The following BBX variants were observed in gnomAD, a reference collection of about 807,000 sequenced individuals.
BBX encodes BBX high mobility group box domain containing, also known as HMG box transcription factor BBX.
In BBX, 30 loss-of-function variants were observed where a neutral mutation model predicts 100.2. The ratio of observed to expected loss-of-function variants is 0.30; its 90% CI spans 0.22 to 0.41. BBX has a LOEUF of 0.41. Among genes scored for constraint, BBX ranks in the 10% least tolerant of loss-of-function variants. BBX has a pLI of 1.00. For synonymous variants in BBX, 376 were observed against 388.1 expected (o/e 0.97, Z 0.37); for missense variants, 1,023 against 1,129.8 (o/e 0.91, Z 1.35).
At chr3:107,677,459 G>C (rs1156603715) in intron 3 of BBX, 4 of 152,036 alleles carry the variant, frequency 2.6e-5, no homozygotes, top group Non-Finnish European at 4.4e-5. Flanking sequence ...GCTACATCCT[G>C]ATACACTCAC....
chr3:107,769,100 C>T (rs764771445), intron 10 of BBX, among the ~76,000 whole-genome samples: 1 of 150,920 alleles, frequency 6.6e-6, no homozygotes, highest in Non-Finnish European at 1.5e-5. Context: ...CCCTGGAGGT[C>T]GAGGCTGCCA....
intron 10 of BBX, among the ~76,000 whole-genome samples, chr3:107,766,679 C>T (rs2066419955): frequency 6.6e-6 from 1 of 151,946 alleles, no homozygotes; most frequent in Non-Finnish European, 1.5e-5. Context: ...CCAGAAATAC[C>T]ATTTGACCCA....
At chr3:107,649,967 C>T (rs1472291626) in intron 3 of BBX, among the ~76,000 whole-genome samples, 1 of 152,112 alleles carries the variant, frequency 6.6e-6, no homozygotes, top group Admixed American at 6.6e-5. Context: ...CAAAAAGTAT[C>T]AAATTTTATA....
At chr3:107,526,279 G>A in intron 1 of BBX, 48 bp from the exon 2 acceptor site, 1 of 398,586 alleles carries the variant, frequency 2.5e-6, no homozygotes. Context: ...CTGTACTATT[G>A]TAAAGCCCTA....
intron 3 of BBX, among the ~76,000 whole-genome samples, chr3:107,690,914 T>TTTTC (rs2060129682): frequency 7.2e-6 from 1 of 137,962 alleles, no homozygotes; most frequent in African/African-American, 2.7e-5. Context: ...TTTTTTTTTT[T>TTTTC]TTTGAGAAAG....
intron 2 of BBX, among the ~76,000 whole-genome samples, chr3:107,548,692 T>C (rs573636770): frequency 6.6e-4 from 100 of 152,334 alleles, no homozygotes; most frequent in African/African-American, 2.4e-3. Flanking sequence ...TGGGCTGTTA[T>C]GTTCATTCCA....
chr3:107,757,877 C>A (rs2065608969), intron 10 of BBX, among the ~76,000 whole-genome samples: 1 of 152,134 alleles, frequency 6.6e-6, no homozygotes, highest in African/African-American at 2.4e-5. Flanking sequence ...GAAGACACAA[C>A]CTTAAATTCA....
At chr3:107,666,027 T>C (rs191313) in intron 3 of BBX, among the ~76,000 whole-genome samples, 151,752 of 152,310 alleles carry the variant, frequency 1, 75,601 homozygotes, top group Middle Eastern at 1. Flanking sequence ...TGCAGGGAAT[T>C]GCTAAACCAC....
chr3:107,603,141 T>C (rs2054179720), intron 2 of BBX, among the ~76,000 whole-genome samples: 1 of 151,876 alleles, frequency 6.6e-6, no homozygotes, highest in African/African-American at 2.4e-5. Flanking sequence ...TTTTTTTTTG[T>C]TTTTAGTAGA....
At chr3:107,705,582 C>T (rs2061344972) in intron 3 of BBX, among the ~76,000 whole-genome samples, 2 of 152,178 alleles carry the variant, frequency 1.3e-5, no homozygotes, top group African/African-American at 4.8e-5. Context: ...ATCTGGGCAG[C>T]ATATGGATCA....
intron 2 of BBX, among the ~76,000 whole-genome samples, chr3:107,551,420 A>G (rs778488964): frequency 3.9e-5 from 6 of 152,234 alleles, no homozygotes; most frequent in Non-Finnish European, 8.8e-5. Context: ...AACATTTACA[A>G]TAGTGATGCT....
At chr3:107,668,440 G>A (rs191807268) in intron 3 of BBX, among the ~76,000 whole-genome samples, 2 of 152,270 alleles carry the variant, frequency 1.3e-5, no homozygotes, top group Admixed American at 6.5e-5. Context: ...ACGTATAGAT[G>A]TGTGTTTCTT....
At chr3:107,748,385 A>G (rs1029089760) in intron 9 of BBX, among the ~76,000 whole-genome samples, 13 of 152,230 alleles carry the variant, frequency 8.5e-5, no homozygotes, top group African/African-American at 2.7e-4. Flanking sequence ...AATTTTTCCA[A>G]TAGTGAAATT....
At chr3:107,542,529 G>A (rs1248777724) in intron 2 of BBX, among the ~76,000 whole-genome samples, 1 of 152,188 alleles carries the variant, frequency 6.6e-6, no homozygotes, top group Admixed American at 6.5e-5. Flanking sequence ...ATGTAAAGTG[G>A]AATATGAAAA....
intron 2 of BBX, among the ~76,000 whole-genome samples, chr3:107,632,926 T>C (rs1399458845): frequency 3.3e-5 from 5 of 152,308 alleles, no homozygotes; most frequent in East Asian, 3.9e-4. Flanking sequence ...GTCTGTTCTT[T>C]CGGGATGTTC....
At chr3:107,770,354 G>A (rs1011483791) in intron 10 of BBX, among the ~76,000 whole-genome samples, 4 of 152,158 alleles carry the variant, frequency 2.6e-5, no homozygotes, top group African/African-American at 9.6e-5. Context: ...GACAGTGGCT[G>A]AAAAATCATA....
chr3:107,737,448 C>T (rs2063714285), intron 7 of BBX, among the ~76,000 whole-genome samples: 2 of 151,950 alleles, frequency 1.3e-5, no homozygotes, highest in Admixed American at 6.6e-5. Flanking sequence ...ATAGGAAGTC[C>T]AAAGTCAGCA....
chr3:107,567,106 C>G (rs905407944), intron 2 of BBX, among the ~76,000 whole-genome samples: 1 of 151,952 alleles, frequency 6.6e-6, no homozygotes, highest in Admixed American at 6.6e-5. Flanking sequence ...TCTTATGTTA[C>G]TGTATTTAGG....
chr3:107,741,544 G>GT (rs146269161), intron 7 of BBX, among the ~76,000 whole-genome samples: 2,654 of 151,898 alleles, frequency 0.017, 73 homozygotes, highest in African/African-American at 0.061. Context: ...AGCTTCTTGG[G>GT]TTTTTTTCTC....
Sources: allele counts gnomAD v4.1 joint callset (sites outside exome capture counted in the v4.1 genomes callset), GRCh38; gene constraint gnomAD v4.1.1; transcripts MANE v1.5; gene names NCBI Gene and HGNC (gene_info 2026-07-23, HGNC 2026-07-21).